The following UFM1 variants were observed in gnomAD, a reference collection of about 807,000 sequenced individuals.
UFM1 encodes the protein ubiquitin-fold modifier 1.
In UFM1, 9 loss-of-function variants were observed where a neutral mutation model predicts 15.4. That is an observed-to-expected ratio of 0.59 (90% confidence interval 0.35 to 1.02). The LOEUF (loss-of-function observed/expected upper bound fraction) is 1.02, where lower values mean the gene tolerates loss of function less well. UFM1 is among the 50% of genes least tolerant of loss of function. The probability of loss-of-function intolerance (pLI) is 0.02; values close to 1 mark genes in which losing one functional copy is unlikely to be tolerated. For synonymous variants in UFM1, 27 were observed against 36.3 expected (o/e 0.74, Z 0.92); for missense variants, 98 against 104.7 (o/e 0.94, Z 0.28).
At position 38,363,046 on chromosome 13, in the gene UFM1, C is replaced by T. The variant is rs1879495366; in HGVS notation, c.*2268C>T. On this transcript the variant is annotated 3_prime_UTR_variant, in exon 6 of 6. Coordinates refer to ENST00000239878, the MANE Select transcript of UFM1 (RefSeq NM_016617.4). ...ATTATTAGAGCTCTTAATCAGCACA[C>T]CTTTTGAGTCAGTATATAATACATG... is the stretch of plus-strand genomic sequence containing the variant. The T allele has an allele frequency of 6.6e-6, 1 of 152,040 alleles. No individual in the cohort carries two copies. Among genetic ancestry groups the T allele is most frequent in the Non-Finnish European group, 1.5e-5 (1 of 67,992 alleles). The allele number at this position is 152,040 out of a possible 1,614,324, so 9.4% of individuals were successfully genotyped here.
At chr13:38,358,363 A>G (rs903161404) in intron 4 of UFM1, among the ~76,000 whole-genome samples, 3 of 150,938 alleles carry the variant, frequency 2.0e-5, no homozygotes, top group Admixed American at 6.6e-5. Context: ...TTTTGTCCTT[A>G]CCAGTTCATG....
chr13:38,349,892 T>C lies in UFM1; in HGVS notation c.-28T>C, dbSNP rs1235489975. On this transcript the variant is annotated 5_prime_UTR_variant, in exon 1 of 6. Coordinates refer to ENST00000239878, the MANE Select transcript of UFM1 (RefSeq NM_016617.4). Reference sequence around the variant, plus strand: ...TCGTGCTACCCCCGCGGAGTTGTCGTGTGTTCTGGATTCATTCCGGCACCA... The same window carrying C: ...TCGTGCTACCCCCGCGGAGTTGTCGCGTGTTCTGGATTCATTCCGGCACCA... 2 of 1,614,096 alleles carry C rather than the reference T, an allele frequency of 1.2e-6. No individual in the cohort carries two copies. Among genetic ancestry groups the C allele is most frequent in the East Asian group, 2.2e-5 (1 of 44,846 alleles).
chr13:38,350,179 TGGCTCGCGCCCTTCCAGG>T (rs1566029379), intron 2 of UFM1, 124 bp downstream of exon 2: 3 of 1,613,742 alleles, frequency 1.9e-6, no homozygotes, highest in African/African-American at 2.7e-5. Context: ...TCTACTTTCC[TGGCTCGCGCCCTTCCAGG>T]AGCCTTTCCC....
At chr13:38,350,187 GC>G (rs1196472782) in intron 2 of UFM1, 132 bp downstream of exon 2, 1 of 1,613,424 alleles carries the variant, frequency 6.2e-7, no homozygotes, top group Admixed American at 1.7e-5. Flanking sequence ...CCTGGCTCGC[GC>G]CCTTCCAGGA....
At chr13:38,356,701 CAA>C (rs35105286) in intron 3 of UFM1, among the ~76,000 whole-genome samples, 15 of 107,912 alleles carry the variant, frequency 1.4e-4, no homozygotes, top group African/African-American at 5.3e-4. Context: ...TTAGTACCAC[CAA>C]AAAAAAAAAA....
intron 2 of UFM1, among the ~76,000 whole-genome samples, chr13:38,352,708 G>A (rs1361164128): frequency 3.3e-5 from 5 of 152,168 alleles, no homozygotes; most frequent in African/African-American, 1.2e-4. Flanking sequence ...ATTAAAAGAT[G>A]TTTTCATTTT....
chr13:38,356,039 A>C (rs547311507), intron 3 of UFM1, among the ~76,000 whole-genome samples: 3 of 151,894 alleles, frequency 2.0e-5, no homozygotes, highest in Non-Finnish European at 2.9e-5. Flanking sequence ...ACAGAAGACC[A>C]TAAAAGAATA....
At position 38,363,245 on chromosome 13, in the gene UFM1, G is replaced by A. The variant is rs1206258501; in HGVS notation, c.*2467G>A. ...GCTTTATCTATGTTTGGATACACAA[G>A]TACTTACCATCATTTTACAGTTGTT... On this transcript the variant is annotated 3_prime_UTR_variant, in exon 6 of 6. Transcript: ENST00000239878. 2 of 152,162 alleles carry A rather than the reference G, an allele frequency of 1.3e-5. No individual in the cohort carries two copies. Among genetic ancestry groups the A allele is most frequent in the Non-Finnish European group, 2.9e-5 (2 of 68,020 alleles). 9.4% of individuals were successfully genotyped at this position (152,162 alleles called of 1,614,324 possible).
chr13:38,359,395 A>G, intron 5 of UFM1, 62 bp downstream of exon 5: 1 of 1,550,308 alleles, frequency 6.5e-7, no homozygotes, highest in Non-Finnish European at 8.9e-7. Flanking sequence ...GACACTGAAT[A>G]GTTAAGCTAT....
chr13:38,359,391 G>C (rs1159711928), intron 5 of UFM1, 58 bp downstream of exon 5: 4 of 1,559,154 alleles, frequency 2.6e-6, no homozygotes, highest in Non-Finnish European at 3.5e-6. Flanking sequence ...AATTGACACT[G>C]AATAGTTAAG....
chr13:38,359,002 CATT>C (rs1002840988), intron 4 of UFM1, among the ~76,000 whole-genome samples: 7 of 151,950 alleles, frequency 4.6e-5, no homozygotes, highest in Non-Finnish European at 8.8e-5. Context: ...AAAGGACAAA[CATT>C]ATTTTTAATT....
chr13:38,360,586 T>C (rs1336312632), intron 5 of UFM1, 125 bp from the exon 6 acceptor site: 1 of 654,214 alleles, frequency 1.5e-6, no homozygotes, highest in East Asian at 3.0e-5. Flanking sequence ...TGGGGTCTCA[T>C]GATGCTTGAG....
rs1426899837 is a variant in UFM1, at chr13:38,363,011, G to A, written c.*2233G>A. ...ATGTTGTTATATTGTAAACCATATTGTCTGTTCTTATTATTAGAGCTCTTA... is the reference window on the plus strand; with the variant it reads ...ATGTTGTTATATTGTAAACCATATTATCTGTTCTTATTATTAGAGCTCTTA... On this transcript the variant is annotated 3_prime_UTR_variant, in exon 6 of 6. Transcript: ENST00000239878. The A allele has an allele frequency of 6.6e-6, 1 of 151,992 alleles. No homozygotes were observed. The highest frequency in any genetic ancestry group is 1.5e-5 in the Non-Finnish European group (1 of 68,004). The allele number at this position is 151,992 out of a possible 1,614,324, so 9.4% of individuals were successfully genotyped here.
chr13:38,354,676 T>C (rs1157207825), intron 3 of UFM1: 1 of 158,476 alleles, frequency 6.3e-6, no homozygotes, highest in Non-Finnish European at 1.4e-5. Context: ...ATCTTTATCA[T>C]AGTTTTCAAA....
intron 2 of UFM1, among the ~76,000 whole-genome samples, chr13:38,350,469 T>C (rs1470772187): frequency 6.6e-6 from 1 of 152,238 alleles, no homozygotes; most frequent in Non-Finnish European, 1.5e-5. Flanking sequence ...ACATTCCATC[T>C]TGATAGTCAA....
intron 5 of UFM1, among the ~76,000 whole-genome samples, chr13:38,360,226 T>C (rs919185160): frequency 1.3e-5 from 2 of 152,134 alleles, no homozygotes; most frequent in South Asian, 2.1e-4. Flanking sequence ...ATCGAGAAAC[T>C]TTCAATATTT....
rs1593298314 is a variant in UFM1 at position 38,358,280 on chromosome 13, G to T, written c.157+148G>T. Reference sequence around the variant, plus strand: ...ACTTACTGGTAAACACTAAGTCAGGGTTATTGTTAATAATTAGCTCCTTTC... The same window carrying T: ...ACTTACTGGTAAACACTAAGTCAGGTTTATTGTTAATAATTAGCTCCTTTC... On this transcript the variant is annotated intron_variant, in intron 4 of 5. Coordinates refer to ENST00000239878, the MANE Select transcript of UFM1 (RefSeq NM_016617.4). 20 of 418,890 alleles carry T rather than the reference G, an allele frequency of 4.8e-5. No homozygotes were observed. In the South Asian group the frequency reaches 1.1e-3, roughly 23 times the overall value. The allele number at this position is 418,890 out of a possible 1,614,324, so 25.9% of individuals were successfully genotyped here.
intron 3 of UFM1, among the ~76,000 whole-genome samples, chr13:38,356,103 C>G (rs987744976): frequency 9.9e-5 from 15 of 151,856 alleles, no homozygotes; most frequent in Non-Finnish European, 2.2e-4. Flanking sequence ...GGAATAGATT[C>G]TACATTTTAC....
Position 38,356,719 on chromosome 13 carries a change from A to AT in UFM1, c.118-1374_118-1373insT, listed in dbSNP as rs1397224439. On this transcript the variant is annotated intron_variant, in intron 3 of 5. Transcript: ENST00000239878. ...GTACCACCAAAAAAAAAAAAAAAAA[A>AT]ACTTCATGAAGAACAGGGATTACTG... is the stretch of plus-strand genomic sequence containing the variant. 4.3e-3 allele frequency among the ~76,000 whole-genome samples: 647 copies of AT among 151,110 alleles called. 2 individuals are homozygous for AT. Among genetic ancestry groups the AT allele is most frequent in the African/African-American group, 0.015 (605 of 41,274 alleles).
Sources: gnomAD v4.1 joint callset for allele counts (sites outside exome capture counted in the v4.1 genomes callset) on GRCh38, gnomAD v4.1.1 for gene constraint, MANE v1.5 for transcripts, NCBI Gene and HGNC (gene_info 2026-07-23, HGNC 2026-07-21) for gene names.